Variants in PLD1 observed in about 807,000 individuals in gnomAD.
PLD1 encodes the protein choline phosphatase 1.
A neutral mutation model predicts 137.1 loss-of-function variants in PLD1; 112 were observed. The ratio of observed to expected loss-of-function variants is 0.82; its 90% CI spans 0.70 to 0.96. PLD1 has a LOEUF of 0.96. Among genes scored for constraint, PLD1 ranks in the 40% least tolerant of loss-of-function variants. The probability of loss-of-function intolerance (pLI) is 0.00; values close to 1 mark genes in which losing one functional copy is unlikely to be tolerated. For missense variants in PLD1, 1,321 were observed against 1,342.0 expected (o/e 0.98, Z 0.24); for synonymous variants, 431 against 454.7 (o/e 0.95, Z 0.66).
chr3:171,615,895 A>G (rs1733063394), intron 24 of PLD1, among the ~76,000 whole-genome samples: 1 of 152,184 alleles, frequency 6.6e-6, no homozygotes, highest in Non-Finnish European at 1.5e-5. Flanking sequence ...TGGGTTGCTA[A>G]GCTGCAGGGT....
intron 26 of PLD1, among the ~76,000 whole-genome samples, chr3:171,603,712 CACTT>C (rs1203217219): frequency 6.6e-6 from 1 of 152,110 alleles, no homozygotes; most frequent in Admixed American, 6.5e-5. Flanking sequence ...TAATATGTAA[CACTT>C]ACTTTGCTGG....
At chr3:171,702,188 T>C (rs796280009) in intron 11 of PLD1, among the ~76,000 whole-genome samples, 9 of 152,060 alleles carry the variant, frequency 5.9e-5, no homozygotes, top group African/African-American at 2.2e-4. Context: ...AGGCTAAAAA[T>C]AAATGACAAA....
At chr3:171,752,667 A>G (rs1374831246) in intron 1 of PLD1, among the ~76,000 whole-genome samples, 1 of 152,214 alleles carries the variant, frequency 6.6e-6, no homozygotes, top group Non-Finnish European at 1.5e-5. Context: ...TCTCTCTCAT[A>G]TCTTTAGTAT....
chr3:171,735,104 A>G (rs1719252663), intron 4 of PLD1, 134 bp from the exon 5 acceptor site: 1 of 616,798 alleles, frequency 1.6e-6, no homozygotes, highest in South Asian at 2.0e-5. Flanking sequence ...TAGACTAGTT[A>G]GCCGATATTG....
At chr3:171,624,235 C>A (rs1374287313) in intron 23 of PLD1, among the ~76,000 whole-genome samples, 2 of 152,004 alleles carry the variant, frequency 1.3e-5, no homozygotes, top group African/African-American at 2.4e-5. Flanking sequence ...CATGAATAGA[C>A]AATTCACACA....
In PLD1 at chr3:171,687,455, A is replaced by C. The variant is rs772938689; in HGVS notation, c.1669T>G (p.Phe557Val). Residue 557 changes from phenylalanine to valine, a missense_variant, in exon 15 of 27, where the codon TTC becomes GTC. Coordinates refer to ENST00000351298, the MANE Select transcript of PLD1 (RefSeq NM_002662.5). Reference protein sequence around the residue: ...KLKGIGKPRKFSKFSLYKQLH... With the variant: ...KLKGIGKPRKVSKFSLYKQLH... ...TGCTTGTAGAGACTAAATTTGGAGA[A>C]CTTTCTTGGCTTTCCTATTCCTTTC... The C allele has an allele frequency of 3.1e-6, 5 of 1,613,956 alleles. No homozygotes were observed. The highest frequency in any genetic ancestry group is 4.2e-6 in the Non-Finnish European group (5 of 1,180,004).
chr3:171,677,949 A>G (rs1483928918), intron 16 of PLD1: 1 of 288,322 alleles, frequency 3.5e-6, no homozygotes, highest in East Asian at 6.6e-5. Flanking sequence ...CAGGCAGTTG[A>G]GTAACTTATT....
In PLD1 at chr3:171,736,035, C is replaced by T. The variant is rs565780869; in HGVS notation, c.289-398G>A. 1.1e-4 allele frequency among the ~76,000 whole-genome samples: 17 copies of T among 152,242 alleles called. 1 individual carries two copies. In the South Asian group the frequency reaches 2.1e-3, roughly 19 times the overall value. ...CACCAGGCAATTGGCAGGGGTGAGA[C>T]GTATTGTATACTAACAGCACCATCT... On this transcript the variant is annotated intron_variant, in intron 3 of 26. Transcript: ENST00000351298.
chr3:171,698,903 GAGGCAGAGGTTGC>G (rs1715995338), intron 12 of PLD1, among the ~76,000 whole-genome samples: 1 of 149,416 alleles, frequency 6.7e-6, no homozygotes, highest in Non-Finnish European at 1.5e-5. Flanking sequence ...TTAAAGCTGG[GAGGCAGAGGTTGC>G]AGTGAGCCGA....
chr3:171,639,660 TC>T (rs1462060068), intron 23 of PLD1, among the ~76,000 whole-genome samples: 6 of 117,240 alleles, frequency 5.1e-5, no homozygotes, highest in Admixed American at 1.1e-4. Flanking sequence ...TAATATATAT[TC>T]ATATAATATA....
chr3:171,733,920 A>G (rs1217651197), intron 5 of PLD1, among the ~76,000 whole-genome samples: 1 of 152,192 alleles, frequency 6.6e-6, no homozygotes, highest in African/African-American at 2.4e-5. Flanking sequence ...TTTTCAGGAA[A>G]CAAAGGTGGA....
chr3:171,736,926 T>C (rs1719402349), intron 3 of PLD1, among the ~76,000 whole-genome samples: 1 of 152,252 alleles, frequency 6.6e-6, no homozygotes, highest in African/African-American at 2.4e-5. Flanking sequence ...ACTTTGATTG[T>C]TGAAGACATT....
At chr3:171,762,058 A>C (rs943010355) in intron 1 of PLD1, among the ~76,000 whole-genome samples, 1 of 152,236 alleles carries the variant, frequency 6.6e-6, no homozygotes, top group Non-Finnish European at 1.5e-5. Context: ...AACCATATGT[A>C]AAATGTTACA....
At chr3:171,729,539 C>T (rs576302929) in intron 6 of PLD1, among the ~76,000 whole-genome samples, 5 of 152,144 alleles carry the variant, frequency 3.3e-5, no homozygotes, top group Admixed American at 2.0e-4. Context: ...AGCAAAAACT[C>T]AAGTAAATGG....
chr3:171,707,603 T>C (rs1716791216), intron 11 of PLD1, among the ~76,000 whole-genome samples: 1 of 152,108 alleles, frequency 6.6e-6, no homozygotes, highest in South Asian at 2.1e-4. Context: ...GGCCACCACA[T>C]ACCCTGTCTA....
At chr3:171,689,823 AT>A (rs2108515107) in intron 13 of PLD1, among the ~76,000 whole-genome samples, 1 of 152,338 alleles carries the variant, frequency 6.6e-6, no homozygotes, top group East Asian at 1.9e-4. Flanking sequence ...TTAATAACAC[AT>A]TTTTTAAAAA....
intron 13 of PLD1, among the ~76,000 whole-genome samples, chr3:171,689,510 C>CCTTT (rs896084267): frequency 4.0e-5 from 6 of 149,774 alleles, no homozygotes; most frequent in Admixed American, 1.3e-4. Context: ...TTCCTTCCTT[C>CCTTT]CTTTCTTTCT....
intron 1 of PLD1, among the ~76,000 whole-genome samples, chr3:171,769,690 A>G (rs1359149680): frequency 6.6e-6 from 1 of 152,236 alleles, no homozygotes; most frequent in Non-Finnish European, 1.5e-5. Context: ...TGTAACTTCA[A>G]CTTAGCACTG....
In PLD1 at chr3:171,810,207, C is replaced by G. The variant is rs943184338; in HGVS notation, c.-32+192G>C. 3.3e-5 allele frequency among the ~76,000 whole-genome samples: 5 copies of G among 152,238 alleles called. No individual in the cohort carries two copies. In the East Asian group the frequency reaches 9.6e-4, roughly 29 times the overall value. On this transcript the variant is annotated intron_variant, in intron 1 of 26. Transcript: ENST00000351298. ...AGCTTTCACCCTGCAGGAATTCCACCCGAAGGCGTGCGAGGGAGGCCCTTG... is the reference window on the plus strand; with the variant it reads ...AGCTTTCACCCTGCAGGAATTCCACGCGAAGGCGTGCGAGGGAGGCCCTTG...
Sources: allele counts gnomAD v4.1 joint callset (sites outside exome capture counted in the v4.1 genomes callset), GRCh38; gene constraint gnomAD v4.1.1; transcripts MANE v1.5; gene names NCBI Gene and HGNC (gene_info 2026-07-23, HGNC 2026-07-21).